The following SPMAP2L variants were observed in gnomAD, a reference collection of about 807,000 sequenced individuals.
SPMAP2L encodes the protein sperm microtubule associated protein 2-like.
At chr4:56,564,239 A>G in the SPMAP2L span, among the ~76,000 whole-genome samples, 1 of 150,760 alleles carries the variant, frequency 6.6e-6, no homozygotes, top group South Asian at 2.1e-4. Flanking sequence ...GCTCAAGCGA[A>G]CCTCCCACCT....
At chr4:56,611,970 A>G in the SPMAP2L span, among the ~76,000 whole-genome samples, 1,247 of 152,268 alleles carry the variant, frequency 8.2e-3, 17 homozygotes, top group African/African-American at 0.029. Context: ...AGTTTCTGTC[A>G]AATGCAAGTG....
At chr4:56,537,914 T>C in the SPMAP2L span, among the ~76,000 whole-genome samples, 8,780 of 152,070 alleles carry the variant, frequency 0.058, 367 homozygotes, top group Non-Finnish European at 0.09. Flanking sequence ...AGGATGGTCT[T>C]GATCTCCTGA....
chr4:56,561,038 G>A, the SPMAP2L span, among the ~76,000 whole-genome samples: 4 of 152,132 alleles, frequency 2.6e-5, no homozygotes, highest in Admixed American at 6.5e-5. Context: ...GAGCCATCAC[G>A]CCTGGCCAGA....
the SPMAP2L span, among the ~76,000 whole-genome samples, chr4:56,611,056 G>C: frequency 8.2e-3 from 1,248 of 152,276 alleles, 17 homozygotes; most frequent in African/African-American, 0.029. Flanking sequence ...AAAACTAAAA[G>C]TAGAACTATC....
the SPMAP2L span, among the ~76,000 whole-genome samples, chr4:56,582,353 A>G: frequency 6.6e-6 from 1 of 151,818 alleles, no homozygotes; most frequent in Non-Finnish European, 1.5e-5. Context: ...AAAATGTACA[A>G]TAAAAGACAA....
chr4:56,595,000 A>T, the SPMAP2L span: 2 of 1,608,180 alleles, frequency 1.2e-6, no homozygotes, highest in Non-Finnish European at 1.7e-6. Flanking sequence ...GTTTTTGCCC[A>T]ATCATCCCAT....
chr4:56,567,271 A>AT, the SPMAP2L span, among the ~76,000 whole-genome samples: 1,151 of 149,244 alleles, frequency 7.7e-3, 6 homozygotes, highest in African/African-American at 0.014. Context: ...CTTTAATAAT[A>AT]TTTTTTTTTA....
chr4:56,595,062 G>A, the SPMAP2L span: 24 of 1,609,940 alleles, frequency 1.5e-5, no homozygotes, highest in South Asian at 5.5e-5. Flanking sequence ...CCGTCAGTGC[G>A]GCCCCATGGG....
chr4:56,599,942 C>G, the SPMAP2L span, among the ~76,000 whole-genome samples: 1 of 152,118 alleles, frequency 6.6e-6, no homozygotes, highest in East Asian at 1.9e-4. Context: ...AGATGCAAAT[C>G]AAAACCACAA....
chr4:56,532,962 CCCT>C, the SPMAP2L span, among the ~76,000 whole-genome samples: 13,281 of 152,146 alleles, frequency 0.087, 944 homozygotes, highest in East Asian at 0.24. Flanking sequence ...CCATGAACCC[CCCT>C]ATCAAATTTT....
At chr4:56,606,085 C>T in the SPMAP2L span, among the ~76,000 whole-genome samples, 2 of 152,260 alleles carry the variant, frequency 1.3e-5, no homozygotes, top group African/African-American at 2.4e-5. Context: ...GAGCATTAGC[C>T]GTCTCTTTGG....
the SPMAP2L span, among the ~76,000 whole-genome samples, chr4:56,591,193 C>G: frequency 1.9e-4 from 29 of 152,222 alleles, no homozygotes; most frequent in South Asian, 4.1e-4. Flanking sequence ...AGTGAGTTCT[C>G]AGGAGATTTG....
the SPMAP2L span, among the ~76,000 whole-genome samples, chr4:56,544,913 C>T: frequency 6.6e-6 from 1 of 152,238 alleles, no homozygotes; most frequent in Admixed American, 6.5e-5. Context: ...GGCTGCGCTT[C>T]TGTGTCCCCG....
At chr4:56,589,049 C>T in the SPMAP2L span, among the ~76,000 whole-genome samples, 141 of 151,976 alleles carry the variant, frequency 9.3e-4, 1 homozygote, top group Middle Eastern at 3.4e-3. Context: ...AGTGCAGTGG[C>T]GCAATCTCAG....
chr4:56,583,496 C>A, the SPMAP2L span, among the ~76,000 whole-genome samples: 1 of 151,946 alleles, frequency 6.6e-6, no homozygotes, highest in African/African-American at 2.4e-5. Flanking sequence ...AAAAACAAAA[C>A]CCAAACTAAT....
chr4:56,603,871 G>A, the SPMAP2L span, among the ~76,000 whole-genome samples: 1 of 152,174 alleles, frequency 6.6e-6, no homozygotes, highest in South Asian at 2.1e-4. Context: ...TTAGGGAACA[G>A]GTTACCTTAA....
the SPMAP2L span, among the ~76,000 whole-genome samples, chr4:56,606,398 CAA>C: frequency 1.3e-5 from 2 of 152,092 alleles, no homozygotes; most frequent in Non-Finnish European, 2.9e-5. Context: ...ATATGTAACC[CAA>C]GTCAGCCACA....
chr4:56,601,049 A>T, the SPMAP2L span: 3 of 1,535,426 alleles, frequency 2.0e-6, no homozygotes, highest in Non-Finnish European at 1.7e-6. Flanking sequence ...CCAGTATCTT[A>T]TGCTACTACT....
At chr4:56,614,507 A>G in the SPMAP2L span, among the ~76,000 whole-genome samples, 2 of 152,094 alleles carry the variant, frequency 1.3e-5, no homozygotes, top group African/African-American at 4.8e-5. Context: ...TACAAAATTT[A>G]ACTAGGAGTG....
Sources: gnomAD v4.1 joint callset for allele counts (sites outside exome capture counted in the v4.1 genomes callset) on GRCh38, gnomAD v4.1.1 for gene constraint, MANE v1.5 for transcripts, NCBI Gene and HGNC (gene_info 2026-07-23, HGNC 2026-07-21) for gene names.